The following FAT3 variants were observed in gnomAD, a reference collection of about 807,000 sequenced individuals.
FAT3 encodes the protein protocadherin Fat 3.
A neutral mutation model predicts 310.2 loss-of-function variants in FAT3; 95 were observed. The ratio of observed to expected loss-of-function variants is 0.31; its 90% CI spans 0.26 to 0.36. FAT3 has a LOEUF of 0.36. FAT3 is among the 10% of genes least tolerant of loss of function. FAT3 has a pLI of 1.00. For missense variants in FAT3, 5,408 were observed against 5,715.6 expected (o/e 0.95, Z 1.74); for synonymous variants, 2,314 against 2,192.9 (o/e 1.06, Z -1.54).
rs1565340658 is a variant in FAT3 at position 92,469,125 on chromosome 11, T to G, written c.3293-55509T>G. Among the ~76,000 whole-genome samples, 4 of 152,154 alleles carry G rather than the reference T, an allele frequency of 2.6e-5. No homozygotes were observed. The South Asian group carries it at 8.3e-4, about 31-fold the overall frequency. ...TAGGGCTGATCAAGGTCATTGTATA[T>G]GTTACTGATGATTAAAAAATAAAAG... On this transcript the variant is annotated intron_variant, in intron 2 of 27. Transcript: ENST00000525166.
In FAT3 at chr11:92,834,858, TTTTCTTCAAAGGGGGTA is replaced by T; in HGVS notation, c.9872-6_9882del. The T allele has an allele frequency of 6.3e-7, 1 of 1,586,980 alleles. No individual in the cohort carries two copies. Among genetic ancestry groups the T allele is most frequent in the Non-Finnish European group, 8.6e-7 (1 of 1,163,334 alleles). On this transcript the variant is annotated splice_acceptor_variant and splice_polypyrimidine_tract_variant and coding_sequence_variant and intron_variant, in exon 15 of 28. Transcript: ENST00000525166. LOFTEE classifies it high-confidence loss of function. ...CCTAATGAAATATAAAGCTCCCCAT[TTTTCTTCAAAGGGGGTA>T]TTTCTGTCTCTGAAGTCCTGGACTA...
chr11:92,870,754 A>G (rs1466780185), intron 22 of FAT3, among the ~76,000 whole-genome samples: 1 of 152,240 alleles, frequency 6.6e-6, no homozygotes, highest in African/African-American at 2.4e-5. Flanking sequence ...CCAGAAGCCT[A>G]ACTCCTGAGC....
chr11:92,430,833 C>T (rs1309064164), intron 2 of FAT3, among the ~76,000 whole-genome samples: 3 of 152,114 alleles, frequency 2.0e-5, no homozygotes, highest in Non-Finnish European at 2.9e-5. Flanking sequence ...CTACAAGGGA[C>T]ATGAACTCAT....
At chr11:92,694,805 G>A (rs1488689419) in intron 3 of FAT3, among the ~76,000 whole-genome samples, 1 of 152,124 alleles carries the variant, frequency 6.6e-6, no homozygotes, top group Non-Finnish European at 1.5e-5. Flanking sequence ...CATTCCTATT[G>A]TGGACTCTAA....
At chr11:92,679,841 C>CAAAAAAAAAAA (rs71064721) in intron 3 of FAT3, among the ~76,000 whole-genome samples, 4 of 57,256 alleles carry the variant, frequency 7.0e-5, no homozygotes, top group Non-Finnish European at 1.3e-4. Flanking sequence ...GACTCCATCT[C>CAAAAAAAAAAA]AAAAAAAAAA....
At chr11:92,526,713 GT>G (rs1006264458) in intron 3 of FAT3, among the ~76,000 whole-genome samples, 2 of 152,096 alleles carry the variant, frequency 1.3e-5, no homozygotes, top group African/African-American at 4.8e-5. Context: ...AGAAAGCCCT[GT>G]TTTATCACTA....
intron 3 of FAT3, among the ~76,000 whole-genome samples, chr11:92,553,113 A>C (rs1004756044): frequency 1.3e-5 from 2 of 152,166 alleles, no homozygotes; most frequent in African/African-American, 2.4e-5. Flanking sequence ...AAGCCAAAAA[A>C]ACAAAACAGG....
chr11:92,872,354 G>A (rs550803645), intron 22 of FAT3, among the ~76,000 whole-genome samples: 1 of 152,326 alleles, frequency 6.6e-6, no homozygotes, highest in African/African-American at 2.4e-5. Flanking sequence ...CCTCACAGCT[G>A]GTTTAAGGGA....
rs1209680645 is a variant in FAT3, at chr11:92,895,156, A to T, written c.*4043A>T. ...GTATTGCTAAAGTGGTTAGGCTTTA[A>T]TGTTTTATGTTTTTAGTTTCAAACT... is the stretch of plus-strand genomic sequence containing the variant. On this transcript the variant is annotated 3_prime_UTR_variant, in exon 28 of 28. Coordinates refer to ENST00000525166, the MANE Select transcript of FAT3 (RefSeq NM_001367949.2). The T allele has an allele frequency of 6.6e-6, 1 of 152,178 alleles. No individual in the cohort carries two copies. The highest frequency in any genetic ancestry group is 1.5e-5 in the Non-Finnish European group (1 of 68,018). 9.4% of individuals were successfully genotyped at this position (152,178 alleles called of 1,614,324 possible).
chr11:92,666,011 A>C (rs12361042), intron 3 of FAT3, among the ~76,000 whole-genome samples: 1 of 152,124 alleles, frequency 6.6e-6, no homozygotes, highest in Non-Finnish European at 1.5e-5. Flanking sequence ...TCTCTAAAAA[A>C]TTTTTTTAAA....
chr11:92,451,459 T>G (rs994963194), intron 2 of FAT3, among the ~76,000 whole-genome samples: 4 of 152,140 alleles, frequency 2.6e-5, no homozygotes, highest in Non-Finnish European at 4.4e-5. Flanking sequence ...TAATTAAGTT[T>G]CCTCTTGCAC....
intron 20 of FAT3, among the ~76,000 whole-genome samples, chr11:92,858,002 A>G (rs543230753): frequency 2.0e-5 from 3 of 152,286 alleles, no homozygotes; most frequent in South Asian, 4.1e-4. Flanking sequence ...AGAAAAGAAT[A>G]TTTTTCATTT....
At position 92,373,512 on chromosome 11, in the gene FAT3, A is replaced by G. The variant is rs541864165; in HGVS notation, c.3292+18108A>G. On this transcript the variant is annotated intron_variant, in intron 2 of 27. Coordinates refer to ENST00000525166, the MANE Select transcript of FAT3 (RefSeq NM_001367949.2). ...TTTTTGTGTCTACCTTGTGCATTCT[A>G]TTTTCTCATGTGCCTTTGTTGTTAG... Among the ~76,000 whole-genome samples the G allele has an allele frequency of 3.6e-4, 54 of 151,896 alleles. No individual in the cohort carries two copies. In the South Asian group the frequency reaches 8.7e-3, roughly 25 times the overall value.
intron 2 of FAT3, among the ~76,000 whole-genome samples, chr11:92,476,084 T>C (rs1291975625): frequency 2.6e-5 from 4 of 151,518 alleles, no homozygotes; most frequent in African/African-American, 9.7e-5. Context: ...TGTGTGTGCG[T>C]GTGTGTGTGT....
At chr11:92,463,992 CA>C (rs1951700825) in intron 2 of FAT3, among the ~76,000 whole-genome samples, 1 of 152,178 alleles carries the variant, frequency 6.6e-6, no homozygotes, top group African/African-American at 2.4e-5. Flanking sequence ...GCACCTAGCA[CA>C]TGGTTAAGGG....
chr11:92,882,380 C>T (rs944368709), intron 23 of FAT3, among the ~76,000 whole-genome samples: 9 of 152,164 alleles, frequency 5.9e-5, no homozygotes, highest in African/African-American at 2.2e-4. Context: ...TCTGCTCCCG[C>T]GGATTTGGAG....
intron 2 of FAT3, among the ~76,000 whole-genome samples, chr11:92,428,103 G>A (rs1003330918): frequency 2.6e-5 from 4 of 151,982 alleles, no homozygotes; most frequent in East Asian, 3.9e-4. Context: ...TTAGTCTTGG[G>A]AGGGTGTATG....
intron 3 of FAT3, among the ~76,000 whole-genome samples, chr11:92,558,807 AT>A (rs1217131501): frequency 3.3e-5 from 5 of 152,120 alleles, no homozygotes; most frequent in Non-Finnish European, 7.4e-5. Flanking sequence ...CAGGGGTCCA[AT>A]TCTTTACCTT....
chr11:92,885,978 G>T (rs1404755866), intron 24 of FAT3, among the ~76,000 whole-genome samples: 1 of 152,176 alleles, frequency 6.6e-6, no homozygotes, highest in African/African-American at 2.4e-5. Flanking sequence ...CTTTTTGGAA[G>T]AAACGTGATT....
Sources: allele counts gnomAD v4.1 joint callset (sites outside exome capture counted in the v4.1 genomes callset), GRCh38; gene constraint gnomAD v4.1.1; transcripts MANE v1.5; gene names NCBI Gene and HGNC (gene_info 2026-07-23, HGNC 2026-07-21).